The following TRIP12 variants were observed in gnomAD, a reference collection of about 807,000 sequenced individuals.
TRIP12 encodes the protein E3 ubiquitin-protein ligase TRIP12.
In TRIP12, 25 loss-of-function variants were observed where a neutral mutation model predicts 244.2. The observed-to-expected ratio is 0.10, with a 90% CI of 0.07 to 0.14. The LOEUF is 0.14. TRIP12 is among the 10% of genes least tolerant of loss of function. The pLI is 1.00. For synonymous variants in TRIP12, 905 were observed against 873.1 expected, an observed-to-expected ratio of 1.04 and a Z score of -0.64; for missense variants, 1,677 against 2,486.4, an observed-to-expected ratio of 0.67 and a Z score of 6.92.
At chr2:229,909,551 C>T (rs1363456874) in intron 1 of TRIP12, among the ~76,000 whole-genome samples, 2 of 148,888 alleles carry the variant, frequency 1.3e-5, no homozygotes, top group Admixed American at 1.3e-4. Flanking sequence ...GCGTTGAGAC[C>T]TTGTCTAAAA....
At chr2:229,896,274 G>C (rs2068789318) in intron 1 of TRIP12, among the ~76,000 whole-genome samples, 1 of 152,108 alleles carries the variant, frequency 6.6e-6, no homozygotes, top group African/African-American at 2.4e-5. Flanking sequence ...TCCACAAAAA[G>C]ACCTTGTTAA....
intron 2 of TRIP12, among the ~76,000 whole-genome samples, chr2:229,875,815 C>T (rs536047976): frequency 5.3e-5 from 8 of 152,162 alleles, no homozygotes; most frequent in Non-Finnish European, 8.8e-5. Context: ...GCTACAATGA[C>T]AGCATTTTAC....
At chr2:229,844,571 C>A (rs1028055042) in intron 4 of TRIP12, among the ~76,000 whole-genome samples, 1 of 152,206 alleles carries the variant, frequency 6.6e-6, no homozygotes, top group Non-Finnish European at 1.5e-5. Context: ...TAGTCTCCCC[C>A]ACCATGATAA....
intron 4 of TRIP12, among the ~76,000 whole-genome samples, chr2:229,845,974 G>A (rs1005138165): frequency 1.1e-4 from 16 of 143,456 alleles, no homozygotes; most frequent in African/African-American, 3.3e-4. Flanking sequence ...ACACCACTGC[G>A]TTCCAGCCTG....
chr2:229,885,114 C>T (rs2065747552), intron 1 of TRIP12, among the ~76,000 whole-genome samples: 1 of 152,150 alleles, frequency 6.6e-6, no homozygotes, highest in African/African-American at 2.4e-5. Flanking sequence ...TATTTTTAGA[C>T]ACACAAATAT....
chr2:229,831,651 G>A (rs570173971), intron 6 of TRIP12, among the ~76,000 whole-genome samples: 2 of 152,230 alleles, frequency 1.3e-5, no homozygotes, highest in Admixed American at 1.3e-4. Flanking sequence ...CAAGAAGTAT[G>A]AAAGACAGGG....
At position 229,892,121 on chromosome 2, in the gene TRIP12, A is replaced by T. The variant is rs1023553621; in HGVS notation, c.-49-11993T>A. On this transcript the variant is annotated intron_variant, in intron 1 of 41. Transcript: ENST00000675903. ...TACAATGGAGCTCACCTCAATTGGA[A>T]AGAGAAAATAAACAAACTATATGCA... is the stretch of plus-strand genomic sequence containing the variant. Among the ~76,000 whole-genome samples the T allele has an allele frequency of 4.6e-5, 7 of 152,334 alleles. 1 individual carries two copies. In the Middle Eastern group the frequency reaches 0.017, roughly 370 times the overall value.
chr2:229,864,041 A>G (rs923471518), intron 2 of TRIP12, among the ~76,000 whole-genome samples: 2 of 71,680 alleles, frequency 2.8e-5, no homozygotes, highest in African/African-American at 5.3e-5. Context: ...AGAGAGAGAG[A>G]GAGAGAGTGT....
chr2:229,920,094 G>A (rs2076221161), intron 1 of TRIP12, among the ~76,000 whole-genome samples: 1 of 152,122 alleles, frequency 6.6e-6, no homozygotes, highest in African/African-American at 2.4e-5. Context: ...GACACACACA[G>A]GCCTCATATA....
chr2:229,853,693 TAC>T, intron 4 of TRIP12, among the ~76,000 whole-genome samples: 1 of 151,924 alleles, frequency 6.6e-6, no homozygotes, highest in Non-Finnish European at 1.5e-5. Flanking sequence ...CATACATACA[TAC>T]ATACATACAT....
intron 1 of TRIP12, among the ~76,000 whole-genome samples, chr2:229,883,494 T>C (rs2065298163): frequency 1.3e-5 from 2 of 152,236 alleles, no homozygotes; most frequent in Admixed American, 6.5e-5. Context: ...GATTCCATCT[T>C]AACAGATTAA....
Position 229,840,831 on chromosome 2 carries a change from G to A in TRIP12, c.1124C>T (p.Ala375Val), listed in dbSNP as rs1170370875. ...AAAAAAAACAAATTACCTGGTACTAGCACAGGAGCCCGTGGTCTTTTGGCG... is the reference window on the plus strand; with the variant it reads ...AAAAAAAACAAATTACCTGGTACTAACACAGGAGCCCGTGGTCTTTTGGCG... ...STRQKTTGSC[A>V]STSRRGSGLG... is the part of the protein sequence containing the mutation. Residue 375 changes from alanine (A) to valine (V), a missense_variant, in exon 5 of 42, where the codon GCT (alanine) becomes GTT (valine). Transcript: ENST00000675903. 6.3e-7 allele frequency: 1 copy of A among 1,592,228 alleles called. No homozygotes were observed. Among genetic ancestry groups the A allele is most frequent in the African/African-American group, 1.4e-5 (1 of 72,836 alleles).
chr2:229,908,732 CAA>C (rs957949918), intron 1 of TRIP12, among the ~76,000 whole-genome samples: 2 of 127,774 alleles, frequency 1.6e-5, no homozygotes. Context: ...GACTCCGTCT[CAA>C]AAAAAAAAAA....
chr2:229,834,801 A>G (rs1341007871), intron 6 of TRIP12, among the ~76,000 whole-genome samples: 1 of 152,010 alleles, frequency 6.6e-6, no homozygotes. Flanking sequence ...TCTGCCTCTG[A>G]CTCGTGGGAA....
At chr2:229,772,611 GCACCAC>G (rs2034803400) in intron 38 of TRIP12, among the ~76,000 whole-genome samples, 1 of 152,108 alleles carries the variant, frequency 6.6e-6, no homozygotes, top group African/African-American at 2.4e-5. Flanking sequence ...CTACAGGCGT[GCACCAC>G]CACGCCTGGC....
chr2:229,876,515 G>T (rs986072115), intron 2 of TRIP12, among the ~76,000 whole-genome samples: 3 of 152,092 alleles, frequency 2.0e-5, no homozygotes, highest in African/African-American at 7.2e-5. Flanking sequence ...ATTATTGACT[G>T]GCTTAAACTA....
Position 229,782,812 on chromosome 2 carries a change from T to A in TRIP12, c.5094+2945A>T, listed in dbSNP as rs553320544. On this transcript the variant is annotated intron_variant, in intron 34 of 41. Transcript: ENST00000675903. ...CAGTTCATGTACTCAGTTCATGAAC[T>A]CAGTCACAACTTTGAGGTTATACTA... is the stretch of plus-strand genomic sequence containing the variant. Among the ~76,000 whole-genome samples, 12 of 152,318 alleles carry A rather than the reference T, an allele frequency of 7.9e-5. 1 individual carries two copies. In the South Asian group the frequency reaches 2.1e-3, roughly 26 times the overall value.
intron 1 of TRIP12, among the ~76,000 whole-genome samples, chr2:229,887,395 G>T (rs1279680668): frequency 6.6e-6 from 1 of 152,152 alleles, no homozygotes; most frequent in African/African-American, 2.4e-5. Context: ...TATAATGCAG[G>T]GATGTGGAGT....
At chr2:229,777,556 G>A (rs1338265676) in intron 36 of TRIP12, 77 bp from the exon 37 acceptor site, 2 of 1,451,644 alleles carry the variant, frequency 1.4e-6, no homozygotes, top group South Asian at 1.2e-5. Context: ...CACTTCAGGA[G>A]ATCATTTAAA....
Sources: gnomAD v4.1 joint callset for allele counts (sites outside exome capture counted in the v4.1 genomes callset) on GRCh38, gnomAD v4.1.1 for gene constraint, MANE v1.5 for transcripts, NCBI Gene and HGNC (gene_info 2026-07-23, HGNC 2026-07-21) for gene names.